The following ATP10A variants were observed in gnomAD, a reference collection of about 807,000 sequenced individuals.
The protein encoded by ATP10A is ATPase phospholipid transporting 10A (putative).
A neutral mutation model predicts 147.8 loss-of-function variants in ATP10A; 111 were observed. The observed-to-expected ratio is 0.75, with a 90% CI of 0.64 to 0.88. The LOEUF (loss-of-function observed/expected upper bound fraction) is 0.88, where lower values mean the gene tolerates loss of function less well. ATP10A is among the 40% of genes least tolerant of loss of function. ATP10A has a pLI of 0.00. For missense variants in ATP10A, 1,927 were observed against 1,959.0 expected, an observed-to-expected ratio of 0.98 and a Z score of 0.31; for synonymous variants, 875 against 841.6, an observed-to-expected ratio of 1.04 and a Z score of -0.69.
At chr15:25,700,982 G>A (rs1401664805) in intron 13 of ATP10A, among the ~76,000 whole-genome samples, 2 of 151,872 alleles carry the variant, frequency 1.3e-5, no homozygotes, top group African/African-American at 2.4e-5. Flanking sequence ...GGGTGACCTT[G>A]CATAGATGTG....
chr15:25,857,625 T>C (rs938150680), intron 1 of ATP10A, among the ~76,000 whole-genome samples: 1 of 152,174 alleles, frequency 6.6e-6, no homozygotes, highest in African/African-American at 2.4e-5. Flanking sequence ...AAAATAATGT[T>C]AGCCATGAGT....
chr15:25,724,667 C>T (rs1902437318), intron 5 of ATP10A, among the ~76,000 whole-genome samples: 1 of 152,206 alleles, frequency 6.6e-6, no homozygotes. Context: ...CATGAAGTTC[C>T]CATTAGTAAC....
chr15:25,768,090 T>C (rs1360046748), intron 2 of ATP10A, among the ~76,000 whole-genome samples: 1 of 152,196 alleles, frequency 6.6e-6, no homozygotes, highest in Non-Finnish European at 1.5e-5. Flanking sequence ...TGGCAGCTGG[T>C]TCTCTGCACT....
At position 25,818,434 on chromosome 15, in the gene ATP10A, A is replaced by C. The variant is rs145153092; in HGVS notation, c.450-37211T>G. Among the ~76,000 whole-genome samples, 118 of 152,310 alleles carry C rather than the reference A, an allele frequency of 7.7e-4. No individual in the cohort carries two copies. The East Asian group carries it at 0.019, about 24-fold the overall frequency. ...ATTTTTAGAAAACTACAAAACATTA[A>C]TAAAATAAACTGTAGATGACACAAA... is the stretch of plus-strand genomic sequence containing the variant. On this transcript the variant is annotated intron_variant, in intron 1 of 20. Coordinates refer to ENST00000555815, the MANE Select transcript of ATP10A (RefSeq NM_024490.4).
At chr15:25,740,502 G>A (rs528561346) in intron 2 of ATP10A, among the ~76,000 whole-genome samples, 2 of 152,158 alleles carry the variant, frequency 1.3e-5, no homozygotes, top group Admixed American at 6.5e-5. Context: ...CAGGGCCACC[G>A]CCTGCACCAG....
chr15:25,791,331 G>GT (rs1890414139), intron 1 of ATP10A, among the ~76,000 whole-genome samples: 1 of 151,834 alleles, frequency 6.6e-6, no homozygotes, highest in African/African-American at 2.4e-5. Context: ...AACTCTGCAT[G>GT]TTTCCCCTTC....
At chr15:25,810,472 T>C (rs567911381) in intron 1 of ATP10A, among the ~76,000 whole-genome samples, 61 of 152,338 alleles carry the variant, frequency 4.0e-4, no homozygotes, top group African/African-American at 1.3e-3. Context: ...ATGTGTTTAG[T>C]TGCTTATTTT....
Position 25,714,140 on chromosome 15 carries a change from C to T in ATP10A, c.1878G>A (p.Gly626=), listed in dbSNP as rs768959295. 3.4e-5 allele frequency: 55 copies of T among 1,611,634 alleles called. No homozygotes were observed. In the South Asian group the frequency reaches 5.8e-4, roughly 17 times the overall value. Residue 626 remains glycine (G), a synonymous_variant, in exon 10 of 21, where the codon GGG becomes GGA. Transcript: ENST00000555815. ...GGCTGGACTTGTTGGCGGCCAGGCTCCCGATGCTGCTGCAGCCTGAGGTCA... is the reference window on the plus strand; with the variant it reads ...GGCTGGACTTGTTGGCGGCCAGGCTTCCGATGCTGCTGCAGCCTGAGGTCA... The part of the protein sequence containing the change: ...SCLTSGCSSI[G]SLAANKSSHK...
At chr15:25,753,890 C>T (rs1408412509) in intron 2 of ATP10A, among the ~76,000 whole-genome samples, 2 of 151,792 alleles carry the variant, frequency 1.3e-5, no homozygotes, top group Non-Finnish European at 2.9e-5. Flanking sequence ...GATTCTCCCA[C>T]CCTAGCCTCC....
intron 11 of ATP10A, 40 bp from the exon 12 acceptor site, chr15:25,708,142 C>T (rs756861633): frequency 1.9e-6 from 3 of 1,613,178 alleles, no homozygotes; most frequent in Non-Finnish European, 2.5e-6. Flanking sequence ...CCGGGCGCTG[C>T]TCACTGTGGG....
At position 25,725,870 on chromosome 15, in the gene ATP10A, G is replaced by A. The variant is rs571033746; in HGVS notation, c.979+81C>T. The A allele has an allele frequency of 2.2e-3, 3,267 of 1,456,840 alleles. 24 individuals carry two copies. The highest frequency in any genetic ancestry group is 0.014 in the South Asian group (980 of 70,290). 90.2% of individuals were successfully genotyped at this position (1,456,840 alleles called of 1,614,324 possible). A position where few individuals can be genotyped will look rare whatever the true frequency, so the allele number is the denominator to read the frequency against. ...TGACCTCAAGTGATCTGCCCGCCTC[G>A]GCCTCCCAAAGTGCTAGGATTACGG... On this transcript the variant is annotated intron_variant, in intron 5 of 20. Coordinates refer to ENST00000555815, the MANE Select transcript of ATP10A (RefSeq NM_024490.4).
At chr15:25,702,273 G>C (rs1475470098) in intron 12 of ATP10A, among the ~76,000 whole-genome samples, 173 bp from the exon 13 acceptor site, 2 of 152,246 alleles carry the variant, frequency 1.3e-5, no homozygotes, top group African/African-American at 2.4e-5. Flanking sequence ...GTGACAGGAA[G>C]TCCCCTGTGG....
At chr15:25,724,055 C>T (rs778827160) in intron 5 of ATP10A, 34 bp from the exon 6 acceptor site, 7 of 1,465,570 alleles carry the variant, frequency 4.8e-6, no homozygotes, top group Non-Finnish European at 5.4e-6. Flanking sequence ...TGTCATTCAT[C>T]CAATGGAAAA....
intron 1 of ATP10A, chr15:25,841,382 T>A (rs894926331): frequency 1.3e-5 from 2 of 152,052 alleles, no homozygotes; most frequent in Admixed American, 1.3e-4. Context: ...ATTGGGCATA[T>A]CTGTTGGGAC....
At chr15:25,839,174 A>G (rs1455224914) in intron 1 of ATP10A, among the ~76,000 whole-genome samples, 1 of 152,192 alleles carries the variant, frequency 6.6e-6, no homozygotes, top group Non-Finnish European at 1.5e-5. Flanking sequence ...AAGGGCTGTG[A>G]TATTCCCAGG....
chr15:25,680,850 A>G lies in ATP10A; in HGVS notation c.3638T>C (p.Leu1213Pro). Residue 1213 changes from leucine to proline, a missense_variant, in exon 19 of 21, where the codon CTC (leucine) becomes CCC (proline). By Grantham distance (98) the Leu-to-Pro change is moderately conservative. Coordinates refer to ENST00000555815, the MANE Select transcript of ATP10A (RefSeq NM_024490.4). ...WGTPIVTIAL[L>P]TFLLHLGIET... ...AATGCCCAGGTGGAGCAGGAAAGTG[A>G]GCAGCGCGATTGTCACAATAGGGGT... 6.2e-7 allele frequency: 1 copy of G among 1,613,954 alleles called. No individual in the cohort carries two copies. The highest frequency in any genetic ancestry group is 8.5e-7 in the Non-Finnish European group (1 of 1,180,024).
In ATP10A at chr15:25,774,085, A is replaced by G. The variant is rs922108381; in HGVS notation, c.654+6934T>C. On this transcript the variant is annotated intron_variant, in intron 2 of 20. Transcript: ENST00000555815. ...AAATATAGTTAAAGAGAAAAAAAGC[A>G]TTTCACATTGTACGCTACCTTGAAC... 2.6e-5 allele frequency among the ~76,000 whole-genome samples: 4 copies of G among 152,142 alleles called. No individual in the cohort carries two copies. In the East Asian group the frequency reaches 7.7e-4, roughly 29 times the overall value.
intron 7 of ATP10A, among the ~76,000 whole-genome samples, chr15:25,719,586 G>A (rs926242244): frequency 3.2e-5 from 4 of 124,214 alleles, no homozygotes; most frequent in Non-Finnish European, 6.5e-5. Flanking sequence ...CAGTGGTCCC[G>A]CACATCCGGA....
At chr15:25,840,147 T>C (rs1567423462) in intron 1 of ATP10A, among the ~76,000 whole-genome samples, 2 of 152,082 alleles carry the variant, frequency 1.3e-5, no homozygotes, top group Non-Finnish European at 2.9e-5. Flanking sequence ...TCACGCAGCA[T>C]ATATCCTTTT....
Sources: gnomAD v4.1 joint callset for allele counts (sites outside exome capture counted in the v4.1 genomes callset) on GRCh38, gnomAD v4.1.1 for gene constraint, MANE v1.5 for transcripts, NCBI Gene and HGNC (gene_info 2026-07-23, HGNC 2026-07-21) for gene names.